Variants in JPH3 observed in about 807,000 individuals in gnomAD.
JPH3 encodes junctophilin 3.
A neutral mutation model predicts 59.6 loss-of-function variants in JPH3; 11 were observed. The observed-to-expected ratio is 0.18, with a 90% CI of 0.12 to 0.31. JPH3 has a LOEUF of 0.31. Among genes scored for constraint, JPH3 ranks in the 10% least tolerant of loss-of-function variants. JPH3 has a pLI of 1.00. For missense variants in JPH3, 1,202 were observed against 1,105.7 expected (o/e 1.09, Z -1.24); for synonymous variants, 673 against 483.6 (o/e 1.39, Z -5.14).
intron 1 of JPH3, among the ~76,000 whole-genome samples, chr16:87,616,238 A>T (rs201392596): frequency 0.078 from 2,505 of 32,126 alleles, 53 homozygotes; most frequent in African/African-American, 0.1. Context: ...GTGTGTGTGT[A>T]TTTTTTTTTT....
intron 2 of JPH3, among the ~76,000 whole-genome samples, chr16:87,647,961 C>T (rs1364607440): frequency 6.6e-6 from 1 of 152,248 alleles, no homozygotes; most frequent in Non-Finnish European, 1.5e-5. Flanking sequence ...CCTCCCCTCT[C>T]TGGGCTGGGT....
Position 87,689,750 on chromosome 16 carries a change from G to C in JPH3, c.1390G>C (p.Gly464Arg), listed in dbSNP as rs1393117121. 6.2e-7 allele frequency: 1 copy of C among 1,612,242 alleles called. No individual in the cohort carries two copies. The highest frequency in any genetic ancestry group is 8.5e-7 in the Non-Finnish European group (1 of 1,179,736). Residue 464 changes from glycine (G) to arginine (R), a missense_variant, in exon 4 of 5, where the codon GGC becomes CGC. Gly to Arg is a moderately radical substitution (Grantham distance 125, BLOSUM62 -2). Coordinates refer to ENST00000284262, the MANE Select transcript of JPH3 (RefSeq NM_020655.4). ...GGAGAGCCCCGAGCTGTACCGCAAGGGCACCACTCCCTCCGACCTGACCCC... is the reference window on the plus strand; with the variant it reads ...GGAGAGCCCCGAGCTGTACCGCAAGCGCACCACTCCCTCCGACCTGACCCC... ...QQESPELYRK[G>R]TTPSDLTPDD...
At chr16:87,605,727 A>G (rs1234316291) in intron 1 of JPH3, among the ~76,000 whole-genome samples, 1 of 152,134 alleles carries the variant, frequency 6.6e-6, no homozygotes, top group Non-Finnish European at 1.5e-5. Flanking sequence ...GAGGCCAGTA[A>G]GGCCCGGGCT....
chr16:87,674,550 G>A, intron 2 of JPH3, among the ~76,000 whole-genome samples: 1 of 152,206 alleles, frequency 6.6e-6, no homozygotes, highest in Non-Finnish European at 1.5e-5. Context: ...GAAAAAATAT[G>A]TAGAGCATAA....
At chr16:87,659,413 C>T (rs923281299) in intron 2 of JPH3, among the ~76,000 whole-genome samples, 1 of 124,330 alleles carries the variant, frequency 8.0e-6, no homozygotes, top group East Asian at 2.5e-4. Flanking sequence ...ACTACACACA[C>T]ATACACACAA....
chr16:87,633,264 C>A (rs1380575157), intron 1 of JPH3, among the ~76,000 whole-genome samples: 1 of 151,848 alleles, frequency 6.6e-6, no homozygotes, highest in Non-Finnish European at 1.5e-5. Context: ...TAGAAAGACA[C>A]CAGGCCTATT....
At chr16:87,612,996 G>T (rs546952793) in intron 1 of JPH3, among the ~76,000 whole-genome samples, 1 of 151,586 alleles carries the variant, frequency 6.6e-6, no homozygotes, top group African/African-American at 2.4e-5. Flanking sequence ...CCTGCAGTCC[G>T]GCCTGGGTGA....
At chr16:87,661,527 C>T (rs933807048) in intron 2 of JPH3, among the ~76,000 whole-genome samples, 26 of 152,132 alleles carry the variant, frequency 1.7e-4, no homozygotes, top group African/African-American at 3.1e-4. Flanking sequence ...GGGGAGGGGT[C>T]GACATTGTAG....
chr16:87,684,314 G>A, intron 3 of JPH3, 48 bp downstream of exon 3: 2 of 1,602,916 alleles, frequency 1.2e-6, no homozygotes, highest in Admixed American at 1.7e-5. Context: ...GGGGGTGCGT[G>A]GATGGCTGGG....
intron 2 of JPH3, among the ~76,000 whole-genome samples, chr16:87,678,218 G>T (rs2150870981): frequency 6.6e-6 from 1 of 151,396 alleles, no homozygotes; most frequent in South Asian, 2.1e-4. Flanking sequence ...TCCAGCCTGG[G>T]TGACAAAGGG....
chr16:87,695,570 G>A, intron 4 of JPH3: 1 of 455,606 alleles, frequency 2.2e-6, no homozygotes, highest in African/African-American at 2.0e-5. Context: ...TCCTCTGGAA[G>A]CAGACTGTGG....
chr16:87,646,600 C>T (rs73236293), intron 2 of JPH3, among the ~76,000 whole-genome samples: 2,049 of 152,266 alleles, frequency 0.013, 59 homozygotes, highest in African/African-American at 0.047. Context: ...ATGGATCGGC[C>T]GAGCGCTCTC....
At chr16:87,605,026 G>A in intron 1 of JPH3, 1 of 437,742 alleles carries the variant, frequency 2.3e-6, no homozygotes, top group Middle Eastern at 5.4e-4. Flanking sequence ...GGCCCGGGCA[G>A]CAGATGTGGG....
intron 1 of JPH3, among the ~76,000 whole-genome samples, chr16:87,622,843 C>G (rs2031239407): frequency 6.6e-6 from 1 of 152,098 alleles, no homozygotes; most frequent in Admixed American, 6.6e-5. Flanking sequence ...GTGGTGTAGC[C>G]AGTGCCCTGC....
rs893619124 is a variant in JPH3 at position 87,696,756 on chromosome 16, C to T, written c.*96C>T. ...AAGAAGGGAAAGACCGCAACTCGGACAGCCCAGCGACTTCCAAGTCCTCTC... is the reference window on the plus strand; with the variant it reads ...AAGAAGGGAAAGACCGCAACTCGGATAGCCCAGCGACTTCCAAGTCCTCTC... On this transcript the variant is annotated 3_prime_UTR_variant, in exon 5 of 5. Coordinates refer to ENST00000284262, the MANE Select transcript of JPH3 (RefSeq NM_020655.4). 94 of 977,622 alleles carry T rather than the reference C, an allele frequency of 9.6e-5. 1 individual carries two copies. Among genetic ancestry groups the T allele is most frequent in the Non-Finnish European group, 3.5e-5 (22 of 625,764 alleles). 60.6% of individuals were successfully genotyped at this position (977,622 alleles called of 1,614,324 possible).
chr16:87,691,891 A>G (rs983971026), intron 4 of JPH3, among the ~76,000 whole-genome samples: 1 of 152,128 alleles, frequency 6.6e-6, no homozygotes, highest in Non-Finnish European at 1.5e-5. Flanking sequence ...AGCAGTGGGC[A>G]GGGTGGGAGG....
intron 1 of JPH3, among the ~76,000 whole-genome samples, chr16:87,620,490 A>AGAAGGAGAGAAGAGAGGGAGG (rs1567584996): frequency 1.5e-4 from 13 of 87,330 alleles, no homozygotes; most frequent in African/African-American, 5.9e-4. Flanking sequence ...AGAGAGGGAG[A>AGAAGGAGAGAAGAGAGGGAGG]GGGGGAGGGG....
intron 2 of JPH3, among the ~76,000 whole-genome samples, chr16:87,673,613 C>T (rs1222465408): frequency 6.6e-6 from 1 of 152,130 alleles, no homozygotes; most frequent in African/African-American, 2.4e-5. Context: ...GGGCGGACTT[C>T]ATGTGTTCTG....
chr16:87,668,669 G>A (rs2150864782), intron 2 of JPH3, among the ~76,000 whole-genome samples: 1 of 152,310 alleles, frequency 6.6e-6, no homozygotes, highest in South Asian at 2.1e-4. Context: ...CTTCTTGGCG[G>A]AGTCTGGCCA....
Sources: gnomAD v4.1 joint callset for allele counts (sites outside exome capture counted in the v4.1 genomes callset) on GRCh38, gnomAD v4.1.1 for gene constraint, MANE v1.5 for transcripts, NCBI Gene and HGNC (gene_info 2026-07-23, HGNC 2026-07-21) for gene names.